The following PLPP3 variants were observed in gnomAD, a reference collection of about 807,000 sequenced individuals.
PLPP3 encodes phospholipid phosphatase 3, also known as PAP2 beta.
Under a neutral mutation model 29.6 loss-of-function variants are expected in PLPP3, and 6 were observed. The observed-to-expected ratio is 0.20, with a 90% CI of 0.11 to 0.40. The LOEUF (loss-of-function observed/expected upper bound fraction) is 0.40, where lower values mean the gene tolerates loss of function less well. Among genes scored for constraint, PLPP3 ranks in the 10% least tolerant of loss-of-function variants. The pLI is 1.00. For synonymous variants in PLPP3, 152 were observed against 159.7 expected (o/e 0.95, Z 0.36); for missense variants, 308 against 407.7 (o/e 0.76, Z 2.11).
intron 1 of PLPP3, among the ~76,000 whole-genome samples, chr1:56,540,519 C>T (rs923117447): frequency 2.6e-5 from 4 of 152,124 alleles, no homozygotes; most frequent in Non-Finnish European, 5.9e-5. Flanking sequence ...TGAGAACAGT[C>T]CAAATCCTTT....
rs1645716939 is a variant in PLPP3 at position 56,508,235 on chromosome 1, T to A, written c.810+3741A>T. On this transcript the variant is annotated intron_variant, in intron 5 of 5. Transcript: ENST00000371250. ...ACTCAGGTGTTGGAAAATATTGAAA[T>A]GTTTGACATGCCGGGAGGTGAAGGG... is the stretch of plus-strand genomic sequence containing the variant. Among the ~76,000 whole-genome samples, 3 of 152,104 alleles carry A rather than the reference T, an allele frequency of 2.0e-5. No individual in the cohort carries two copies. In the South Asian group the frequency reaches 6.2e-4, roughly 32 times the overall value.
At chr1:56,567,822 G>A (rs72664380) in intron 1 of PLPP3, among the ~76,000 whole-genome samples, 3,769 of 152,190 alleles carry the variant, frequency 0.025, 105 homozygotes, top group East Asian at 0.13. Context: ...AGACCCAAGA[G>A]AACTGAAAGC....
At position 56,542,221 on chromosome 1, in the gene PLPP3, C is replaced by A. The variant is rs1221902558; in HGVS notation, c.140-5109G>T. On this transcript the variant is annotated intron_variant, in intron 1 of 5. Coordinates refer to ENST00000371250, the MANE Select transcript of PLPP3 (RefSeq NM_003713.5). ...TGGCTTTGAAAAACTAACACTGGGG[C>A]AGGTTGGGTGGTTTGGGGGTGGAGT... is the stretch of plus-strand genomic sequence containing the variant. 2.6e-5 allele frequency among the ~76,000 whole-genome samples: 4 copies of A among 152,090 alleles called. No homozygotes were observed. In the East Asian group the frequency reaches 7.7e-4, roughly 29 times the overall value.
intron 1 of PLPP3, among the ~76,000 whole-genome samples, chr1:56,568,575 C>T (rs113155679): frequency 9.7e-4 from 148 of 152,290 alleles, no homozygotes; most frequent in African/African-American, 3.5e-3. Flanking sequence ...AGTGGCCTCA[C>T]CATAGTTCAG....
intron 1 of PLPP3, among the ~76,000 whole-genome samples, chr1:56,572,867 C>T (rs1569615951): frequency 6.6e-6 from 1 of 152,124 alleles, no homozygotes; most frequent in Non-Finnish European, 1.5e-5. Context: ...GGTTTCACAA[C>T]AAACAAGTAT....
intron 1 of PLPP3, among the ~76,000 whole-genome samples, chr1:56,558,832 T>C (rs963750597): frequency 6.6e-6 from 1 of 152,208 alleles, no homozygotes; most frequent in Non-Finnish European, 1.5e-5. Flanking sequence ...TGGGTTAAAA[T>C]TGTGGTAACT....
chr1:56,522,392 A>G (rs796778298), intron 4 of PLPP3, among the ~76,000 whole-genome samples: 2 of 152,220 alleles, frequency 1.3e-5, no homozygotes, highest in East Asian at 3.8e-4. Flanking sequence ...CAGTTCCTCT[A>G]AGCACTTTTA....
chr1:56,563,583 T>C (rs1646143889), intron 1 of PLPP3, among the ~76,000 whole-genome samples: 1 of 152,176 alleles, frequency 6.6e-6, no homozygotes, highest in Admixed American at 6.6e-5. Context: ...ATATTTTCAG[T>C]AAAAGTGGAT....
At chr1:56,507,163 G>A (rs1645707530) in intron 5 of PLPP3, among the ~76,000 whole-genome samples, 1 of 152,228 alleles carries the variant, frequency 6.6e-6, no homozygotes, top group South Asian at 2.1e-4. Flanking sequence ...CCAGGTAAAA[G>A]TTCTCGGCTG....
Position 56,524,329 on chromosome 1 carries a change from A to T in PLPP3, c.523T>A (p.Tyr175Asn). Residue 175 changes from tyrosine (Y) to asparagine (N), a missense_variant, in exon 3 of 6, where the codon TAC becomes AAC. Tyr to Asn is a moderately radical substitution (Grantham distance 143). Around this residue, in one of 3 missense-constraint regions of PLPP3, gnomAD observed 232 missense variants for 317.2 expected, o/e 0.73. Transcript: ENST00000371250. The surrounding 1 kb of genome is among the most constrained non-coding windows in gnomAD (Gnocchi z 4.3). ...CCTCTGCATCTGTAGTTCTGAATGT[A>T]GCCTTCAGAGCAGTTGATCTGGCTG... ...DFSQINCSEGYIQNYRCRGDD... is the reference protein window; with the variant it reads ...DFSQINCSEGNIQNYRCRGDD... 6.2e-7 allele frequency: 1 copy of T among 1,614,018 alleles called. No homozygotes were observed. The highest frequency in any genetic ancestry group is 8.5e-7 in the Non-Finnish European group (1 of 1,179,954).
At chr1:56,505,842 G>A (rs1324633714) in intron 5 of PLPP3, among the ~76,000 whole-genome samples, 1 of 152,152 alleles carries the variant, frequency 6.6e-6, no homozygotes, top group Non-Finnish European at 1.5e-5. Flanking sequence ...TGTGCTGGAG[G>A]TCGGAACCTC....
chr1:56,535,437 C>T (rs1390267716), intron 2 of PLPP3, among the ~76,000 whole-genome samples: 1 of 152,118 alleles, frequency 6.6e-6, no homozygotes, highest in Admixed American at 6.6e-5. Flanking sequence ...ACTATCTAAT[C>T]CATTTTGCTG....
At chr1:56,520,910 C>CAAAAAAAA (rs1169318077) in intron 4 of PLPP3, among the ~76,000 whole-genome samples, 3 of 61,912 alleles carry the variant, frequency 4.8e-5, no homozygotes, top group South Asian at 6.9e-4. Context: ...GACTCCATCT[C>CAAAAAAAA]AAAAAAAAAA....
chr1:56,524,203 A>G lies in PLPP3; in HGVS notation c.575+74T>C, dbSNP rs1645837559. On this transcript the variant is annotated intron_variant, in intron 3 of 5. Transcript: ENST00000371250. The surrounding 1 kb of genome is among the most constrained non-coding windows in gnomAD (Gnocchi z 4.3). ...TATTCACCCATCTAAACCAGGGCCC[A>G]GCTAGTAAGTGCTCACTGAACTGCA... The G allele has an allele frequency of 2.6e-6, 4 of 1,548,928 alleles. No individual in the cohort carries two copies. Among genetic ancestry groups the G allele is most frequent in the Non-Finnish European group, 3.5e-6 (4 of 1,137,288 alleles).
At chr1:56,509,164 C>T (rs1645723537) in intron 5 of PLPP3, among the ~76,000 whole-genome samples, 1 of 152,200 alleles carries the variant, frequency 6.6e-6, no homozygotes, top group South Asian at 2.1e-4. Context: ...AGTCCCTGTT[C>T]TTGCATGTTC....
At chr1:56,539,364 G>C (rs1466740428) in intron 1 of PLPP3, among the ~76,000 whole-genome samples, 1 of 152,294 alleles carries the variant, frequency 6.6e-6, no homozygotes, top group Non-Finnish European at 1.5e-5. Flanking sequence ...GTCCAGACCA[G>C]CAGTGATAAA....
chr1:56,569,318 G>A (rs1195274424), intron 1 of PLPP3, among the ~76,000 whole-genome samples: 3 of 151,792 alleles, frequency 2.0e-5, no homozygotes, highest in Non-Finnish European at 2.9e-5. Flanking sequence ...GATTACAGGC[G>A]CCTGCCACCA....
chr1:56,517,600 C>A (rs1047952192), intron 4 of PLPP3, among the ~76,000 whole-genome samples: 1 of 152,224 alleles, frequency 6.6e-6, no homozygotes, highest in Non-Finnish European at 1.5e-5. Context: ...TCAAGGTAAC[C>A]AAGAGATATG....
chr1:56,546,278 A>G (rs1411486800), intron 1 of PLPP3, among the ~76,000 whole-genome samples: 1 of 152,114 alleles, frequency 6.6e-6, no homozygotes, highest in Non-Finnish European at 1.5e-5. Flanking sequence ...ATTCTCATTG[A>G]GCTTGCACTG....
Sources: gnomAD v4.1 joint callset for allele counts (sites outside exome capture counted in the v4.1 genomes callset) on GRCh38, gnomAD v4.1.1 for gene constraint, gnomAD v4.1.1 regional missense constraint, Gnocchi (gnomAD v3.1) non-coding constraint, MANE v1.5 for transcripts, NCBI Gene and HGNC (gene_info 2026-07-23, HGNC 2026-07-21) for gene names.